PLCB1: variants seen among roughly 807,000 people sequenced by gnomAD.
PLCB1 encodes phospholipase C beta 1.
A neutral mutation model predicts 161.8 loss-of-function variants in PLCB1; 46 were observed. That is an observed-to-expected ratio of 0.28 (90% confidence interval 0.22 to 0.36). The LOEUF (loss-of-function observed/expected upper bound fraction) is 0.36, where lower values mean the gene tolerates loss of function less well. Ranked by LOEUF, PLCB1 falls within the 10% of genes least tolerant of loss-of-function variation. The pLI is 1.00. For missense variants in PLCB1, 1,016 were observed against 1,472.5 expected, an observed-to-expected ratio of 0.69 and a Z score of 5.07; for synonymous variants, 517 against 503.7, an observed-to-expected ratio of 1.03 and a Z score of -0.35.
In PLCB1 at chr20:8,564,463, A is replaced by G. The variant is rs926321455; in HGVS notation, c.247-63831A>G. Reference sequence around the variant, plus strand: ...GGCTAAAACACCAAAAGCAATGGCAATAGAAGCCAAAATTGACAAATGGGA... The same window carrying G: ...GGCTAAAACACCAAAAGCAATGGCAGTAGAAGCCAAAATTGACAAATGGGA... On this transcript the variant is annotated intron_variant, in intron 3 of 31. Transcript: ENST00000338037. Among the ~76,000 whole-genome samples the G allele has an allele frequency of 2.6e-5, 4 of 152,220 alleles. No individual in the cohort carries two copies. The East Asian group carries it at 7.7e-4, about 29-fold the overall frequency.
chr20:8,461,261 C>A (rs1198874676), intron 3 of PLCB1, among the ~76,000 whole-genome samples: 1 of 152,018 alleles, frequency 6.6e-6, no homozygotes, highest in African/African-American at 2.4e-5. Flanking sequence ...AAATGACATT[C>A]CTATTAAGAG....
intron 12 of PLCB1, among the ~76,000 whole-genome samples, chr20:8,711,995 A>G (rs1225968781): frequency 3.3e-5 from 5 of 152,156 alleles, no homozygotes; most frequent in Admixed American, 2.0e-4. Context: ...TCCAAAACAA[A>G]TTTATACTAG....
intron 9 of PLCB1, among the ~76,000 whole-genome samples, chr20:8,659,193 T>G (rs1408015103): frequency 2.0e-5 from 3 of 152,114 alleles, no homozygotes; most frequent in African/African-American, 7.2e-5. Context: ...AATTTGGCTG[T>G]CTGTGTAAAA....
At chr20:8,176,827 A>C (rs887748859) in intron 2 of PLCB1, among the ~76,000 whole-genome samples, 1 of 152,140 alleles carries the variant, frequency 6.6e-6, no homozygotes, top group Non-Finnish European at 1.5e-5. Context: ...ATCTCAATAA[A>C]ATTTCAATGA....
chr20:8,344,930 A>G (rs138269776), intron 2 of PLCB1, among the ~76,000 whole-genome samples: 1 of 152,238 alleles, frequency 6.6e-6, no homozygotes, highest in African/African-American at 2.4e-5. Context: ...CAAATTTGGC[A>G]CGCTGAAAGG....
rs1170956451 is a variant in PLCB1, at chr20:8,774,710, T to C, written c.3102T>C (p.His1034=). Residue 1034 remains histidine, a synonymous_variant, in exon 27 of 32, where the codon CAT becomes CAC. Coordinates refer to ENST00000338037, the MANE Select transcript of PLCB1 (RefSeq NM_015192.4). ...YYSEKYQKRE[H]IKLLIQKLTD... ...GTGAAAAATACCAGAAGCGAGAACA[T>C]ATTAAACTGGTGAGCCTGAGAAACA... The C allele has an allele frequency of 6.3e-7, 1 of 1,595,150 alleles. No individual in the cohort carries two copies. The highest frequency in any genetic ancestry group is 1.1e-5 in the South Asian group (1 of 89,336).
At chr20:8,161,936 T>G (rs2051629309) in intron 2 of PLCB1, among the ~76,000 whole-genome samples, 2 of 152,146 alleles carry the variant, frequency 1.3e-5, no homozygotes, top group South Asian at 4.1e-4. Flanking sequence ...TGGCCTACTT[T>G]CTACTCAGAA....
intron 31 of PLCB1, among the ~76,000 whole-genome samples, chr20:8,808,298 G>A (rs1055311260): frequency 6.6e-6 from 1 of 152,142 alleles, no homozygotes; most frequent in African/African-American, 2.4e-5. Flanking sequence ...TCTCCTCTGG[G>A]TTTGCAGACA....
chr20:8,401,358 C>CAAAAAAAAAAGTATG (rs1978542584), intron 3 of PLCB1, among the ~76,000 whole-genome samples: 2 of 152,116 alleles, frequency 1.3e-5, no homozygotes, highest in Non-Finnish European at 2.9e-5. Flanking sequence ...TTATTAGTCC[C>CAAAAAAAAAAGTATG]TTTTTAAAAA....
At chr20:8,780,576 A>G (rs1983166600) in intron 27 of PLCB1, among the ~76,000 whole-genome samples, 1 of 152,008 alleles carries the variant, frequency 6.6e-6, no homozygotes, top group South Asian at 2.1e-4. Context: ...TACAATCCTC[A>G]TGTCTGTCCC....
intron 9 of PLCB1, among the ~76,000 whole-genome samples, chr20:8,662,450 A>ATGAT (rs1989698638): frequency 1.1e-5 from 1 of 91,468 alleles, no homozygotes; most frequent in African/African-American, 3.8e-5. Context: ...TGTGTTATGT[A>ATGAT]TAATTATTAT....
intron 14 of PLCB1, 88 bp downstream of exon 14, chr20:8,717,936 ATAC>A: frequency 1.7e-6 from 2 of 1,162,178 alleles, no homozygotes; most frequent in South Asian, 3.9e-5. Flanking sequence ...CATGCCTGTA[ATAC>A]TACTACTTTT....
chr20:8,410,517 T>C (rs1448162117), intron 3 of PLCB1, among the ~76,000 whole-genome samples: 1 of 152,064 alleles, frequency 6.6e-6, no homozygotes, highest in Non-Finnish European at 1.5e-5. Flanking sequence ...TAAATTTATA[T>C]AATTTATTTT....
At chr20:8,636,178 T>C (rs113061135) in intron 4 of PLCB1, among the ~76,000 whole-genome samples, 12 of 152,200 alleles carry the variant, frequency 7.9e-5, no homozygotes, top group African/African-American at 2.9e-4. Flanking sequence ...GTAGAATACA[T>C]GTGCCAAAAA....
At chr20:8,815,952 GAT>G (rs1206166817) in intron 31 of PLCB1, among the ~76,000 whole-genome samples, 5 of 152,142 alleles carry the variant, frequency 3.3e-5, no homozygotes, top group Admixed American at 6.5e-5. Context: ...CCTGTTTATA[GAT>G]ATTCCTAAGG....
intron 31 of PLCB1, among the ~76,000 whole-genome samples, chr20:8,795,890 A>AAAAAAAAAG (rs1555791244): frequency 7.2e-6 from 1 of 139,776 alleles, no homozygotes; most frequent in South Asian, 2.2e-4. Flanking sequence ...AAAAAAAAAA[A>AAAAAAAAAG]AAAAGAAAAG....
At chr20:8,529,634 A>C (rs957210685) in intron 3 of PLCB1, among the ~76,000 whole-genome samples, 1 of 95,844 alleles carries the variant, frequency 1.0e-5, no homozygotes, top group African/African-American at 5.8e-5. Flanking sequence ...TTTTCTCAGT[A>C]GTTAATATAC....
intron 3 of PLCB1, among the ~76,000 whole-genome samples, chr20:8,490,734 A>AC (rs539102821): frequency 7.0e-4 from 106 of 152,204 alleles, no homozygotes; most frequent in African/African-American, 2.4e-3. Flanking sequence ...GATGTGAAAC[A>AC]CCTTTTCTAG....
intron 3 of PLCB1, among the ~76,000 whole-genome samples, chr20:8,516,084 A>T (rs749944316): frequency 2.0e-5 from 3 of 152,164 alleles, no homozygotes; most frequent in Non-Finnish European, 4.4e-5. Flanking sequence ...ACTAACATGA[A>T]AATGGCACAG....
Sources: allele counts gnomAD v4.1 joint callset (sites outside exome capture counted in the v4.1 genomes callset), GRCh38; gene constraint gnomAD v4.1.1; transcripts MANE v1.5; gene names NCBI Gene and HGNC (gene_info 2026-07-23, HGNC 2026-07-21).